PSD3: variants seen among roughly 807,000 people sequenced by gnomAD.
PSD3 encodes PH and SEC7 domain-containing protein 3.
In PSD3, 49 loss-of-function variants were observed where a neutral mutation model predicts 105.5. That is an observed-to-expected ratio of 0.46 (90% CI 0.37 to 0.59). The LOEUF is 0.59. PSD3 is among the 20% of genes least tolerant of loss of function. The pLI is 0.00. For missense variants in PSD3, 1,561 were observed against 1,263.8 expected (o/e 1.24, Z -3.57); for synonymous variants, 557 against 457.8 (o/e 1.22, Z -2.77).
chr8:18,734,783 A>G (rs1226608539), intron 9 of PSD3, among the ~76,000 whole-genome samples: 2 of 152,192 alleles, frequency 1.3e-5, no homozygotes, highest in East Asian at 1.9e-4. Context: ...AAAGTCAACA[A>G]AAAGAAGGAA....
chr8:18,971,458 C>A (rs1824647505), intron 1 of PSD3, among the ~76,000 whole-genome samples: 2 of 152,186 alleles, frequency 1.3e-5, no homozygotes, highest in African/African-American at 4.8e-5. Flanking sequence ...AGAGTCTTCA[C>A]AAACAGAACC....
chr8:18,676,054 G>A (rs1470238765), intron 9 of PSD3, among the ~76,000 whole-genome samples: 4 of 151,918 alleles, frequency 2.6e-5, no homozygotes, highest in African/African-American at 9.7e-5. Flanking sequence ...CCTGATCTTC[G>A]GCAGTGACTA....
chr8:18,586,248 G>T (rs145293283), intron 12 of PSD3, among the ~76,000 whole-genome samples: 2 of 152,140 alleles, frequency 1.3e-5, no homozygotes, highest in Admixed American at 1.3e-4. Flanking sequence ...GAGGTTGAGC[G>T]AATGGAGACT....
chr8:18,729,095 C>T (rs1247401697), intron 9 of PSD3, among the ~76,000 whole-genome samples: 1 of 152,162 alleles, frequency 6.6e-6, no homozygotes, highest in Non-Finnish European at 1.5e-5. Context: ...TAAAATTTAA[C>T]AACTAACAGA....
chr8:18,683,732 G>C (rs1563168883), intron 9 of PSD3: 1 of 755,300 alleles, frequency 1.3e-6, no homozygotes. Context: ...CTGTTGCCCT[G>C]CCACACAGCT....
At chr8:18,841,063 T>C (rs761950421) in intron 4 of PSD3, among the ~76,000 whole-genome samples, 8 of 152,160 alleles carry the variant, frequency 5.3e-5, no homozygotes, top group East Asian at 1.9e-4. Context: ...AAGTAGAGGA[T>C]AGAAAGCAGA....
chr8:18,881,950 G>A (rs971042927), intron 2 of PSD3, among the ~76,000 whole-genome samples: 7 of 152,180 alleles, frequency 4.6e-5, no homozygotes, highest in Non-Finnish European at 8.8e-5. Context: ...GCTCACGCCT[G>A]TAATCCCAAC....
At chr8:18,618,551 AACT>A (rs1419158822) in intron 11 of PSD3, among the ~76,000 whole-genome samples, 29 of 142,500 alleles carry the variant, frequency 2.0e-4, no homozygotes, top group South Asian at 7.2e-4. Context: ...TTGGCCATTA[AACT>A]GTTTCTAAAA....
intron 2 of PSD3, among the ~76,000 whole-genome samples, chr8:18,895,520 T>G (rs1321863298): frequency 6.6e-6 from 1 of 152,230 alleles, no homozygotes; most frequent in Non-Finnish European, 1.5e-5. Context: ...ATGCCAACCC[T>G]AACAAGTCTC....
intron 9 of PSD3, among the ~76,000 whole-genome samples, chr8:18,734,606 G>A (rs149802073): frequency 1.9e-3 from 295 of 152,112 alleles, no homozygotes; most frequent in Middle Eastern, 6.8e-3. Context: ...CAGTAAACAC[G>A]GCAAATAAAG....
rs1799513520 is a variant in PSD3 at position 18,528,447 on chromosome 8, CTCAG to C, written c.*7292_*7295del. 6.6e-6 allele frequency: 1 copy of C among 152,222 alleles called. No homozygotes were observed. Among genetic ancestry groups the C allele is most frequent in the African/African-American group, 2.4e-5 (1 of 41,456 alleles). The allele number at this position is 152,222 out of a possible 1,614,324, so 9.4% of individuals were successfully genotyped here. A position where few individuals can be genotyped will look rare whatever the true frequency, so the allele number is the denominator to read the frequency against. On this transcript the variant is annotated 3_prime_UTR_variant, in exon 16 of 16. Coordinates refer to ENST00000327040, the MANE Select transcript of PSD3 (RefSeq NM_015310.4). Reference sequence around the variant, plus strand: ...TTTGTTCATGTGCCACGCTCAGTGACTCAGTCACTCTCGGAGTTGATACCTTGCC... The same window carrying C: ...TTTGTTCATGTGCCACGCTCAGTGACTCACTCTCGGAGTTGATACCTTGCC...
chr8:18,546,453 G>A (rs1800456490), intron 15 of PSD3, among the ~76,000 whole-genome samples: 1 of 152,144 alleles, frequency 6.6e-6, no homozygotes, highest in Admixed American at 6.6e-5. Context: ...AGTTATGTGT[G>A]ACTATGAGAC....
intron 3 of PSD3, among the ~76,000 whole-genome samples, chr8:18,868,604 C>G (rs182031965): frequency 6.6e-6 from 1 of 152,160 alleles, no homozygotes; most frequent in African/African-American, 2.4e-5. Context: ...AGAGATTTCA[C>G]GTCCAAAATT....
chr8:18,599,185 A>G (rs577626512), intron 12 of PSD3, among the ~76,000 whole-genome samples: 2 of 152,212 alleles, frequency 1.3e-5, no homozygotes, highest in African/African-American at 4.8e-5. Context: ...CATCAAATCA[A>G]TATGGTTCTG....
At chr8:18,904,313 G>C (rs552429433) in intron 2 of PSD3, among the ~76,000 whole-genome samples, 1 of 152,308 alleles carries the variant, frequency 6.6e-6, no homozygotes, top group African/African-American at 2.4e-5. Context: ...CCCCAGGATT[G>C]TACAGCCACT....
chr8:18,616,022 T>TGAG (rs33954920), intron 11 of PSD3, among the ~76,000 whole-genome samples: 4 of 152,066 alleles, frequency 2.6e-5, no homozygotes, highest in African/African-American at 9.7e-5. Flanking sequence ...CCAAGGAATA[T>TGAG]AACAGCCTCA....
intron 1 of PSD3, among the ~76,000 whole-genome samples, chr8:18,968,115 G>A (rs1047135198): frequency 6.6e-6 from 1 of 152,114 alleles, no homozygotes; most frequent in Non-Finnish European, 1.5e-5. Flanking sequence ...CATTTCTATA[G>A]TTCCTGAAAT....
chr8:18,690,423 A>C (rs1204346674), intron 9 of PSD3, among the ~76,000 whole-genome samples: 4 of 152,242 alleles, frequency 2.6e-5, no homozygotes, highest in Admixed American at 2.6e-4. Flanking sequence ...CATTGGATCA[A>C]AACGTACTGC....
intron 9 of PSD3, chr8:18,730,210 T>C (rs886615101): frequency 2.6e-5 from 4 of 152,208 alleles, no homozygotes; most frequent in African/African-American, 9.7e-5. Flanking sequence ...TCTGCATTTA[T>C]TCCACAATCA....
Sources: allele counts gnomAD v4.1 joint callset (sites outside exome capture counted in the v4.1 genomes callset), GRCh38; gene constraint gnomAD v4.1.1; transcripts MANE v1.5; gene names NCBI Gene and HGNC (gene_info 2026-07-23, HGNC 2026-07-21).